Variants in TAF1D observed in about 807,000 individuals in gnomAD.
The protein encoded by TAF1D is TATA-box binding protein associated factor, RNA polymerase I subunit D, also known as TATA box-binding protein-associated factor RNA polymerase I subunit D.
Under a neutral mutation model 26.2 loss-of-function variants are expected in TAF1D, and 23 were observed. The observed-to-expected ratio is 0.88, with a 90% CI of 0.63 to 1.25. The LOEUF (loss-of-function observed/expected upper bound fraction) is 1.25, where lower values mean the gene tolerates loss of function less well. Among genes scored for constraint, TAF1D ranks in the 50% most tolerant of loss-of-function variants. The probability of loss-of-function intolerance (pLI) is 0.00; values close to 1 mark genes in which losing one functional copy is unlikely to be tolerated. For missense variants in TAF1D, 299 were observed against 322.0 expected (o/e 0.93, Z 0.55); for synonymous variants, 100 against 105.6 (o/e 0.95, Z 0.33).
At chr11:93,735,336 G>T, downstream of TAF1D, 1 of 1,157,638 alleles carries the variant, frequency 8.6e-7, no homozygotes. Context: ...TATACATGTT[G>T]AATAAATGTG....
chr11:93,734,282 ATC>A, downstream of TAF1D: 1 of 185,974 alleles, frequency 5.4e-6, no homozygotes, highest in Non-Finnish European at 1.1e-5. Context: ...CTGTGTAATC[ATC>A]TTTTATTATA....
downstream of TAF1D, chr11:93,731,565 C>A (rs766435561): frequency 1.9e-6 from 1 of 518,852 alleles, no homozygotes; most frequent in South Asian, 1.4e-5. Flanking sequence ...CGCCCATCAT[C>A]ATAACATCGT....
chr11:93,736,539 T>TA, intron 5 of TAF1D, 155 bp downstream of exon 5: 1 of 1,420,986 alleles, frequency 7.0e-7, no homozygotes, highest in South Asian at 1.6e-5. Flanking sequence ...ATCAAGTCTC[T>TA]AAAAAATTAT....
chr11:93,738,384 T>A lies in TAF1D; in HGVS notation c.184A>T (p.Ser62Cys). 6.2e-7 allele frequency: 1 copy of A among 1,614,048 alleles called. No homozygotes were observed. Among genetic ancestry groups the A allele is most frequent in the Non-Finnish European group, 8.5e-7 (1 of 1,179,994 alleles). The change falls in exon 3 of 6, where the codon AGT (serine) becomes TGT (cysteine). Residue 62 changes from serine (S) to cysteine (C), a missense_variant. Coordinates refer to ENST00000448108, the MANE Select transcript of TAF1D (RefSeq NM_024116.4). ...AAAGATGAGTCACTTGATGAATCAC[T>A]TGCGTGAACACTTTCAGGTGTACGA... ...FVRTPESVHA[S>C]DSSSDSSFEP...
rs1940672810 is a variant in TAF1D at position 93,735,909 on chromosome 11, T to C, written c.*252A>G. ...ACACCTGTAAGCTCTTATTCAGAAATCAAATGACAATTTCTCAAATTTTTC... is the reference window on the plus strand; with the variant it reads ...ACACCTGTAAGCTCTTATTCAGAAACCAAATGACAATTTCTCAAATTTTTC... On this transcript the variant is annotated 3_prime_UTR_variant, in exon 6 of 6. Transcript: ENST00000448108. 4 of 1,246,904 alleles carry C rather than the reference T, an allele frequency of 3.2e-6. No individual in the cohort carries two copies. The South Asian group carries it at 5.9e-5, about 18-fold the overall frequency. 77.2% of individuals were successfully genotyped at this position (1,246,904 alleles called of 1,614,324 possible). A position where few individuals can be genotyped will look rare whatever the true frequency, so the allele number is the denominator to read the frequency against.
intron 5 of TAF1D, 68 bp downstream of exon 5, chr11:93,736,626 A>C: frequency 6.4e-7 from 1 of 1,570,946 alleles, no homozygotes; most frequent in Admixed American, 2.1e-5. Flanking sequence ...AAAACTAAAT[A>C]TAATTCCTTC....
rs753609487 is a variant in TAF1D at position 93,737,074 on chromosome 11, C to T, written c.625G>A (p.Glu209Lys). ...TATGATTCCACTTACGTTGACTCCT[C>T]AATAGGAGAAATGGATCCATCATCA... ...LDDDGSISPI[E>K]ESTAEDEDAT... Residue 209 changes from glutamate (E) to lysine (K), a missense_variant, in exon 4 of 6, where the codon GAG becomes AAG. By Grantham distance (56) the Glu-to-Lys change is moderately conservative (BLOSUM62 1). Transcript: ENST00000448108. The T allele has an allele frequency of 1.9e-6, 3 of 1,600,558 alleles. No individual in the cohort carries two copies. The African/African-American group carries it at 4.0e-5, about 21-fold the overall frequency.
chr11:93,736,923 A>G (rs1252841758), intron 4 of TAF1D, 141 bp downstream of exon 4: 71 of 1,103,228 alleles, frequency 6.4e-5, no homozygotes, highest in Admixed American at 3.2e-5. Context: ...GCTTGGCTCA[A>G]CTGTAATAAT....
chr11:93,738,437 TC>T lies in TAF1D; in HGVS notation c.130del (p.Glu44ArgfsTer32), dbSNP rs1359758931. ...AAATTTTCGAATGGGGTTTCTTTTC[TC>T]CCCTTTAGGTGAGTAAGGGATACAC... ...TQCIPYSPKG[E>X]KRNPIRKFVR... On this transcript the variant is annotated frameshift_variant, in exon 3 of 6. Coordinates refer to ENST00000448108, the MANE Select transcript of TAF1D (RefSeq NM_024116.4). LOFTEE classifies it high-confidence loss of function. 1 of 1,612,020 alleles carries T rather than the reference TC, an allele frequency of 6.2e-7. No homozygotes were observed. Among genetic ancestry groups the T allele is most frequent in the East Asian group, 2.2e-5 (1 of 44,854 alleles).
In TAF1D at chr11:93,735,587, G is replaced by C. The variant is rs1203346964; in HGVS notation, c.*574C>G. ...TAAGGAGGCTGAGGCAGAATCGCTT[G>C]AACCCGGGAGATGGAGGTTGCAGTA... On this transcript the variant is annotated 3_prime_UTR_variant, in exon 6 of 6. Transcript: ENST00000448108. The C allele has an allele frequency of 1.5e-6, 1 of 686,458 alleles. No individual in the cohort carries two copies. Among genetic ancestry groups the C allele is most frequent in the Non-Finnish European group, 1.8e-6 (1 of 553,846 alleles). 42.5% of individuals were successfully genotyped at this position (686,458 alleles called of 1,614,324 possible).
At chr11:93,734,284 C>G (rs1369563524), downstream of TAF1D, 2 of 188,078 alleles carry the variant, frequency 1.1e-5, no homozygotes, top group African/African-American at 2.4e-5. Flanking sequence ...GTGTAATCAT[C>G]TTTTATTATA....
rs779062788 is a variant in TAF1D at position 93,735,829 on chromosome 11, A to T, written c.*332T>A. On this transcript the variant is annotated 3_prime_UTR_variant, in exon 6 of 6. Transcript: ENST00000448108. ...GATGGTTGGGTGTCAAGTTACTTTAAGATTTTCTTTTCAAAATTAAAATCA... is the reference window on the plus strand; with the variant it reads ...GATGGTTGGGTGTCAAGTTACTTTATGATTTTCTTTTCAAAATTAAAATCA... The T allele has an allele frequency of 8.4e-6, 9 of 1,073,314 alleles. No homozygotes were observed. Among genetic ancestry groups the T allele is most frequent in the Non-Finnish European group, 9.0e-6 (8 of 885,720 alleles). The allele number at this position is 1,073,314 out of a possible 1,614,324, so 66.5% of individuals were successfully genotyped here.
downstream of TAF1D, chr11:93,731,013 G>C: frequency 1.9e-6 from 1 of 518,866 alleles, no homozygotes. Flanking sequence ...TAGCAAAGTA[G>C]CAGATAGAAA....
At chr11:93,739,680 G>A (rs1284574729) in intron 1 of TAF1D, among the ~76,000 whole-genome samples, 1 of 152,102 alleles carries the variant, frequency 6.6e-6, no homozygotes, top group Admixed American at 6.6e-5. Context: ...ACAATTAAAA[G>A]CCGTTTTCCA....
chr11:93,736,243 T>C lies in TAF1D; in HGVS notation c.755A>G (p.Glu252Gly). 1 of 1,613,364 alleles carries C rather than the reference T, an allele frequency of 6.2e-7. No individual in the cohort carries two copies. Among genetic ancestry groups the C allele is most frequent in the Non-Finnish European group, 8.5e-7 (1 of 1,179,762 alleles). Residue 252 changes from glutamate (E) to glycine (G), a missense_variant, in exon 6 of 6, where the codon GAG becomes GGG. Coordinates refer to ENST00000448108, the MANE Select transcript of TAF1D (RefSeq NM_024116.4). ...PVRLSVYLEE[E>G]DITEEAALSK... ...CAAAGCAGCTTCTTCAGTAATATCC[T>C]CTTCTTCTAAGTATACACTCAGTCT...
chr11:93,737,978 G>C (rs1166256942), intron 3 of TAF1D, 131 bp downstream of exon 3: 1 of 991,642 alleles, frequency 1.0e-6, no homozygotes. Context: ...TTAGGGGTAA[G>C]TCAGTATAGA....
chr11:93,741,239 C>T (rs1016160402), intron 1 of TAF1D, 83 bp downstream of exon 1: 14 of 444,048 alleles, frequency 3.2e-5, no homozygotes, highest in Admixed American at 2.0e-4. Context: ...TCCGGACCAA[C>T]GAAGGGGCCC....
chr11:93,735,401 G>A, downstream of TAF1D: 1 of 925,492 alleles, frequency 1.1e-6, no homozygotes, highest in Non-Finnish European at 1.4e-6. Context: ...AGTAGTATTA[G>A]GCCAGGTGCC....
downstream of TAF1D, chr11:93,734,674 A>C (rs988872276): frequency 6.5e-6 from 8 of 1,228,938 alleles, no homozygotes; most frequent in Non-Finnish European, 8.6e-6. Context: ...TAAAACAAAA[A>C]GCCATTGTGT....
Sources: allele counts gnomAD v4.1 joint callset (sites outside exome capture counted in the v4.1 genomes callset), GRCh38; gene constraint gnomAD v4.1.1; transcripts MANE v1.5; gene names NCBI Gene and HGNC (gene_info 2026-07-23, HGNC 2026-07-21).